The following CDK19 variants were observed in gnomAD, a reference collection of about 807,000 sequenced individuals.
CDK19 encodes cyclin dependent kinase 19.
Under a neutral mutation model 68.3 loss-of-function variants are expected in CDK19, and 20 were observed. The ratio of observed to expected loss-of-function variants is 0.29; its 90% CI spans 0.21 to 0.43. The LOEUF is 0.43. Ranked by LOEUF, CDK19 falls within the 20% of genes least tolerant of loss-of-function variation. CDK19 has a pLI of 1.00. For missense variants in CDK19, 339 were observed against 623.5 expected (o/e 0.54, Z 4.86); for synonymous variants, 221 against 222.8 (o/e 0.99, Z 0.07).
intron 2 of CDK19, among the ~76,000 whole-genome samples, chr6:110,699,022 C>T (rs1212677601): frequency 6.7e-6 from 1 of 148,270 alleles, no homozygotes; most frequent in Middle Eastern, 3.5e-3. Flanking sequence ...CCACTGCACT[C>T]CAGCCTGGGT....
upstream of CDK19, chr6:110,815,737 C>T (rs1476748920): frequency 6.6e-6 from 1 of 152,598 alleles, no homozygotes; most frequent in East Asian, 1.9e-4. Context: ...AAGTGCCTTA[C>T]TCTAGTGGGA....
At chr6:110,727,933 C>T (rs1305023519) in intron 2 of CDK19, among the ~76,000 whole-genome samples, 2 of 150,716 alleles carry the variant, frequency 1.3e-5, no homozygotes, top group African/African-American at 4.9e-5. Context: ...GGCTGCAAAG[C>T]ACTATTATCC....
At chr6:110,808,448 C>T (rs1349059230) in intron 1 of CDK19, among the ~76,000 whole-genome samples, 3 of 152,166 alleles carry the variant, frequency 2.0e-5, no homozygotes, top group African/African-American at 7.2e-5. Flanking sequence ...TACTGGTTTA[C>T]GTATTATCTG....
chr6:110,616,888 T>C (rs916318928), intron 12 of CDK19, among the ~76,000 whole-genome samples: 2 of 152,180 alleles, frequency 1.3e-5, no homozygotes, highest in African/African-American at 2.4e-5. Flanking sequence ...TGCTGTAACA[T>C]AGCTTTTTTA....
Position 110,632,052 on chromosome 6 carries a change from T to C in CDK19, c.624A>G (p.Ala208=). The C allele has an allele frequency of 6.2e-7, 1 of 1,612,120 alleles. No homozygotes were observed. Among genetic ancestry groups the C allele is most frequent in the East Asian group, 2.2e-5 (1 of 44,858 alleles). ...WYRAPELLLG[A]RHYTKAIDIW... ...TACCAATGGCCTTTGTATAATGCCT[T>C]GCACCAAGCAAAAGTTCTGGAGCCC... is the stretch of plus-strand genomic sequence containing the variant. The change falls in exon 6 of 13, where the codon GCA becomes GCG. Residue 208 remains alanine (A), a synonymous_variant. Transcript: ENST00000368911.
At chr6:110,755,824 T>G (rs556671279) in intron 1 of CDK19, among the ~76,000 whole-genome samples, 1 of 152,134 alleles carries the variant, frequency 6.6e-6, no homozygotes, top group African/African-American at 2.4e-5. Context: ...GCAGATAGTA[T>G]GCAGGGTAGA....
chr6:110,792,485 G>C (rs1309372809), intron 1 of CDK19, among the ~76,000 whole-genome samples: 2 of 152,178 alleles, frequency 1.3e-5, no homozygotes, highest in Middle Eastern at 3.4e-3. Context: ...TCAGCTCACT[G>C]CAACCTCCGC....
rs1330316376 is a variant in CDK19 at position 110,625,399 on chromosome 6, G to T, written c.860+1377C>A. Among the ~76,000 whole-genome samples the T allele has an allele frequency of 2.0e-5, 3 of 152,070 alleles. No homozygotes were observed. The East Asian group carries it at 5.8e-4, about 29-fold the overall frequency. On this transcript the variant is annotated intron_variant, in intron 8 of 12. Coordinates refer to ENST00000368911, the MANE Select transcript of CDK19 (RefSeq NM_015076.5). ...TAGTCTCAAACTCCTGGGCTCAAGA[G>T]ATCTTCCCACCTCAGCCTCCCAAAG...
chr6:110,782,904 C>A (rs1156422445), intron 1 of CDK19, among the ~76,000 whole-genome samples: 3 of 152,142 alleles, frequency 2.0e-5, no homozygotes, highest in Non-Finnish European at 2.9e-5. Flanking sequence ...ATACATTTTG[C>A]TTCCTCTGCA....
rs1780824036 is a variant in CDK19 at position 110,649,330 on chromosome 6, A to G, written c.457-10624T>C. Among the ~76,000 whole-genome samples, 4 of 152,312 alleles carry G rather than the reference A, an allele frequency of 2.6e-5. No individual in the cohort carries two copies. The South Asian group carries it at 8.3e-4, about 32-fold the overall frequency. Reference sequence around the variant, plus strand: ...TCTAAATGTGGAAAAAATCAATTAAATGAATCTTCACCTTATACCATAAAC... The same window carrying G: ...TCTAAATGTGGAAAAAATCAATTAAGTGAATCTTCACCTTATACCATAAAC... On this transcript the variant is annotated intron_variant, in intron 4 of 12. Coordinates refer to ENST00000368911, the MANE Select transcript of CDK19 (RefSeq NM_015076.5).
intron 1 of CDK19, among the ~76,000 whole-genome samples, chr6:110,785,580 G>A (rs977859544): frequency 3.9e-5 from 6 of 152,078 alleles, no homozygotes; most frequent in Admixed American, 1.3e-4. Flanking sequence ...ACATTGAGTC[G>A]GCTGAGAAGA....
chr6:110,789,318 C>T (rs779769385), intron 1 of CDK19, among the ~76,000 whole-genome samples: 5 of 151,570 alleles, frequency 3.3e-5, no homozygotes, highest in Non-Finnish European at 7.4e-5. Context: ...CTTGCCCTGT[C>T]ACCAGGCTGG....
chr6:110,707,102 G>A (rs1244120180), intron 2 of CDK19, among the ~76,000 whole-genome samples: 6 of 151,698 alleles, frequency 4.0e-5, no homozygotes, highest in Non-Finnish European at 8.8e-5. Context: ...CCTGAGGTCA[G>A]GAGTTTGAGA....
intron 1 of CDK19, among the ~76,000 whole-genome samples, chr6:110,812,795 C>T (rs1164920007): frequency 6.8e-6 from 1 of 147,492 alleles, no homozygotes; most frequent in East Asian, 2.0e-4. Context: ...TGCAAATCTG[C>T]CCACTGTTTA....
chr6:110,677,117 T>C (rs776715923), intron 2 of CDK19, among the ~76,000 whole-genome samples: 7 of 152,242 alleles, frequency 4.6e-5, no homozygotes, highest in Admixed American at 1.3e-4. Context: ...TATATCTATT[T>C]TGTTACTTCT....
chr6:110,687,604 A>G (rs1772601241), intron 2 of CDK19, among the ~76,000 whole-genome samples: 2 of 152,238 alleles, frequency 1.3e-5, no homozygotes, highest in Admixed American at 1.3e-4. Context: ...GAAAACACAG[A>G]GGGGGATGAG....
At chr6:110,690,492 G>T (rs1772890256) in intron 2 of CDK19, among the ~76,000 whole-genome samples, 1 of 152,112 alleles carries the variant, frequency 6.6e-6, no homozygotes, top group Non-Finnish European at 1.5e-5. Flanking sequence ...CCCATCATTG[G>T]CTATTGCATT....
chr6:110,750,983 A>G (rs1027660655), intron 1 of CDK19, among the ~76,000 whole-genome samples: 1 of 152,068 alleles, frequency 6.6e-6, no homozygotes, highest in Non-Finnish European at 1.5e-5. Flanking sequence ...TTACAGGCGC[A>G]TGCCACCACG....
intron 2 of CDK19, among the ~76,000 whole-genome samples, chr6:110,710,329 G>A (rs1774849832): frequency 6.6e-6 from 1 of 152,154 alleles, no homozygotes; most frequent in Non-Finnish European, 1.5e-5. Flanking sequence ...TCTTATGTGG[G>A]AGAGGCTCTG....
Sources: allele counts gnomAD v4.1 joint callset (sites outside exome capture counted in the v4.1 genomes callset), GRCh38; gene constraint gnomAD v4.1.1; transcripts MANE v1.5; gene names NCBI Gene and HGNC (gene_info 2026-07-23, HGNC 2026-07-21).